FRMPD4: variants seen among roughly 807,000 people sequenced by gnomAD.
FRMPD4 encodes the protein FERM and PDZ domain-containing protein 4.
Under a neutral mutation model 94.1 loss-of-function variants are expected in FRMPD4, and 22 were observed. The observed-to-expected ratio is 0.23, with a 90% CI of 0.17 to 0.33. FRMPD4 has a LOEUF of 0.33. FRMPD4 is among the 10% of genes least tolerant of loss of function. The pLI is 1.00. For synonymous variants in FRMPD4, 631 were observed against 548.6 expected (o/e 1.15, Z -2.10); for missense variants, 1,111 against 1,339.9 (o/e 0.83, Z 2.67).
chrX:11,919,098 G>T (rs1208412668), intron 3 of FRMPD4, among the ~76,000 whole-genome samples: 2 of 111,800 alleles, frequency 1.8e-5, no homozygotes, highest in African/African-American at 3.3e-5. Flanking sequence ...TTATCTTCTA[G>T]GCCATCTTCA....
At chrX:12,031,640 G>A (rs1407868609) in intron 3 of FRMPD4, among the ~76,000 whole-genome samples, 1 of 111,763 alleles carries the variant, frequency 8.9e-6, no homozygotes, top group African/African-American at 3.3e-5. Context: ...GGAGGCCAGT[G>A]ATACTTGTTA....
rs372488080 is a variant in FRMPD4 at position 12,649,226 on chromosome X, G to T, written c.423-25637G>T. On this transcript the variant is annotated intron_variant, in intron 4 of 16. Coordinates refer to ENST00000675598, the MANE Select transcript of FRMPD4 (RefSeq NM_001368397.1). ...GAAGCTCTGAGTACATGCAGCGTGC[G>T]TGGGGACAGAGAGAGGAGCAGTTCT... 2.7e-5 allele frequency among the ~76,000 whole-genome samples: 3 copies of T among 112,016 alleles called. No individual in the cohort carries two copies. In the Admixed American group the frequency reaches 2.8e-4, roughly 11 times the overall value.
intron 5 of FRMPD4, among the ~76,000 whole-genome samples, chrX:12,678,996 C>G (rs770771980): frequency 8.9e-6 from 1 of 112,354 alleles, no homozygotes; most frequent in Non-Finnish European, 1.9e-5. Context: ...CCTCCAACTT[C>G]CTAACTACAT....
intron 2 of FRMPD4, among the ~76,000 whole-genome samples, chrX:12,504,102 A>G (rs1306474180): frequency 8.9e-6 from 1 of 112,267 alleles, no homozygotes; most frequent in Admixed American, 9.4e-5. Flanking sequence ...AATTGATCTG[A>G]GAGATTACAC....
chrX:12,199,212 G>C (rs1384045410), intron 1 of FRMPD4, among the ~76,000 whole-genome samples: 1 of 107,210 alleles, frequency 9.3e-6, no homozygotes, highest in East Asian at 3.0e-4. Context: ...TATAAAAGTA[G>C]ACAATTTAAA....
intron 1 of FRMPD4, among the ~76,000 whole-genome samples, chrX:12,349,158 G>A (rs1177882469): frequency 1.8e-5 from 2 of 111,719 alleles, no homozygotes; most frequent in Admixed American, 9.5e-5. Context: ...GTGTGCAGCA[G>A]GCCAGGCCAG....
intron 1 of FRMPD4, among the ~76,000 whole-genome samples, chrX:11,864,012 A>T (rs775632736): frequency 9.0e-6 from 1 of 111,489 alleles, no homozygotes; most frequent in East Asian, 2.8e-4. Context: ...TTGCATTGAA[A>T]TACTTCTATG....
rs1332242045 is a variant in FRMPD4 at position 12,723,645 on chromosome X, C to G, written c.*1787C>G. The G allele has an allele frequency of 2.7e-5, 3 of 111,589 alleles. No homozygotes were observed. Among genetic ancestry groups the G allele is most frequent in the Non-Finnish European group, 5.6e-5 (3 of 53,116 alleles). 9.2% of individuals were successfully genotyped at this position (111,589 alleles called of 1,213,427 possible). A position where few individuals can be genotyped will look rare whatever the true frequency, so the allele number is the denominator to read the frequency against. On this transcript the variant is annotated 3_prime_UTR_variant, in exon 17 of 17. Transcript: ENST00000675598. ...ATCATTCTGTGTACTAAAATCCTAA[C>G]CTATTAATAGGATGTGTGCCCTATG...
At chrX:12,026,496 C>T (rs2054662109) in intron 3 of FRMPD4, among the ~76,000 whole-genome samples, 1 of 111,143 alleles carries the variant, frequency 9.0e-6, no homozygotes, top group Non-Finnish European at 1.9e-5. Flanking sequence ...ATATTGCTAC[C>T]CAATATACTA....
intron 4 of FRMPD4, among the ~76,000 whole-genome samples, chrX:12,643,371 C>T (rs2059517488): frequency 9.0e-6 from 1 of 111,310 alleles, no homozygotes; most frequent in Non-Finnish European, 1.9e-5. Context: ...GAGCCACCTG[C>T]CTCGCCCTCC....
chrX:12,710,523 C>T lies in FRMPD4; in HGVS notation c.1595C>T (p.Ala532Val), dbSNP rs886910816. ...IFNMANKKNT[A>V]TQETGPENKG... Reference sequence around the variant, plus strand: ...AACATGGCCAACAAGAAAAACACAGCGACCCAGGAAACAGGTATTCTCTTC... The same window carrying T: ...AACATGGCCAACAAGAAAAACACAGTGACCCAGGAAACAGGTATTCTCTTC... Residue 532 changes from alanine (A) to valine (V), a missense_variant, in exon 14 of 17, where the codon GCG becomes GTG. Transcript: ENST00000675598. 9 of 1,204,265 alleles carry T rather than the reference C, an allele frequency of 7.5e-6. No individual in the cohort carries two copies. In the African/African-American group the frequency reaches 1.1e-4, roughly 14 times the overall value.
chrX:12,296,237 T>C (rs2054770311), intron 1 of FRMPD4, among the ~76,000 whole-genome samples: 1 of 111,759 alleles, frequency 8.9e-6, no homozygotes, highest in Non-Finnish European at 1.9e-5. Flanking sequence ...TTTCTCAAAA[T>C]TTCCCAGAAA....
At chrX:12,345,045 A>G (rs1246623296) in intron 1 of FRMPD4, among the ~76,000 whole-genome samples, 1 of 112,257 alleles carries the variant, frequency 8.9e-6, no homozygotes, top group African/African-American at 3.2e-5. Context: ...TTCAGTGGGT[A>G]GATGGATAAT....
chrX:12,682,791 AGAAAG>A (rs2059985482), intron 5 of FRMPD4, among the ~76,000 whole-genome samples: 1 of 112,005 alleles, frequency 8.9e-6, no homozygotes, highest in African/African-American at 3.2e-5. Context: ...TTCTGATAAA[AGAAAG>A]GAGAGAATCA....
intron 1 of FRMPD4, among the ~76,000 whole-genome samples, chrX:12,199,278 T>C (rs1373487443): frequency 9.1e-6 from 1 of 110,084 alleles, no homozygotes; most frequent in Non-Finnish European, 1.9e-5. Flanking sequence ...TGTATGTGTG[T>C]GTGTGTGTGT....
intron 1 of FRMPD4, among the ~76,000 whole-genome samples, chrX:12,212,373 G>T (rs2056764167): frequency 9.1e-6 from 1 of 109,689 alleles, no homozygotes; most frequent in African/African-American, 3.3e-5. Context: ...TAGGTAGGTG[G>T]CCATATGACT....
intron 4 of FRMPD4, among the ~76,000 whole-genome samples, chrX:12,664,381 A>T (rs976900869): frequency 1.8e-5 from 2 of 112,129 alleles, no homozygotes; most frequent in African/African-American, 6.5e-5. Flanking sequence ...CATTCCATCA[A>T]TACCTAGTTT....
intron 1 of FRMPD4, among the ~76,000 whole-genome samples, chrX:12,223,765 A>C (rs1418287870): frequency 9.0e-6 from 1 of 111,676 alleles, no homozygotes; most frequent in Non-Finnish European, 1.9e-5. Context: ...ATTAAGTGGC[A>C]TTTCTTTGTG....
At chrX:12,707,727 G>A in intron 13 of FRMPD4, 76 bp downstream of exon 13, 17 of 810,368 alleles carry the variant, frequency 2.1e-5, no homozygotes, top group Non-Finnish European at 3.1e-5. Flanking sequence ...TGTTTACAAG[G>A]CAGGCAAAAG....
Sources: gnomAD v4.1 joint callset for allele counts (sites outside exome capture counted in the v4.1 genomes callset) on GRCh38, gnomAD v4.1.1 for gene constraint, MANE v1.5 for transcripts, NCBI Gene and HGNC (gene_info 2026-07-23, HGNC 2026-07-21) for gene names.